MACROD2: variants seen among roughly 807,000 people sequenced by gnomAD.
MACROD2 encodes the protein mono-ADP ribosylhydrolase 2, also known as ADP-ribose glycohydrolase MACROD2.
MACROD2 carries 36 observed loss-of-function variants against 70.4 expected under a neutral mutation model. The observed-to-expected ratio is 0.51, with a 90% confidence interval of 0.39 to 0.68. MACROD2 has a LOEUF of 0.68. Among genes scored for constraint, MACROD2 ranks in the 30% least tolerant of loss-of-function variants. The pLI, the probability that MACROD2 is intolerant of heterozygous loss-of-function variation, is 0.00. For synonymous variants in MACROD2, 172 were observed against 178.8 expected (o/e 0.96, Z 0.30); for missense variants, 496 against 538.4 (o/e 0.92, Z 0.78).
At chr20:15,881,335 C>T (rs143309818) in intron 9 of MACROD2, among the ~76,000 whole-genome samples, 14 of 152,086 alleles carry the variant, frequency 9.2e-5, no homozygotes, top group Middle Eastern at 3.4e-3. Context: ...TTGGAGGCTA[C>T]GAGTTTTATG....
chr20:15,099,875 G>A (rs781714498), intron 5 of MACROD2, among the ~76,000 whole-genome samples: 5 of 152,090 alleles, frequency 3.3e-5, no homozygotes, highest in Admixed American at 2.0e-4. Flanking sequence ...GGCAATTCTG[G>A]TGAGGTCTCA....
At chr20:14,657,625 C>A (rs1478330943) in intron 4 of MACROD2, among the ~76,000 whole-genome samples, 1 of 152,162 alleles carries the variant, frequency 6.6e-6, no homozygotes, top group Non-Finnish European at 1.5e-5. Context: ...TAATAGTATA[C>A]GTCTTTCTGG....
At chr20:16,021,550 A>G (rs902914824) in intron 15 of MACROD2, among the ~76,000 whole-genome samples, 1 of 152,158 alleles carries the variant, frequency 6.6e-6, no homozygotes, top group Non-Finnish European at 1.5e-5. Context: ...ACTGCCTTGT[A>G]CTGTCTGTGT....
chr20:14,860,616 G>C (rs925645946), intron 5 of MACROD2, among the ~76,000 whole-genome samples: 8 of 152,174 alleles, frequency 5.3e-5, no homozygotes, highest in Admixed American at 3.3e-4. Flanking sequence ...TGGCCCCTTT[G>C]ATGCTTTTCA....
chr20:15,921,141 C>G (rs1406903254), intron 10 of MACROD2, among the ~76,000 whole-genome samples: 3 of 152,176 alleles, frequency 2.0e-5, no homozygotes, highest in Non-Finnish European at 4.4e-5. Context: ...GTAGACATGC[C>G]TCACTCCCAG....
Position 14,541,598 on chromosome 20 carries a change from TCACACA to T in MACROD2, c.301+48104_301+48109del, listed in dbSNP as rs139991575. Among the ~76,000 whole-genome samples, 9 of 150,246 alleles carry T rather than the reference TCACACA, an allele frequency of 6.0e-5. No homozygotes were observed. The East Asian group carries it at 1.8e-3, about 29-fold the overall frequency. On this transcript the variant is annotated intron_variant, in intron 4 of 17. Transcript: ENST00000684519. ...CTAGCACATGTACACACAGCACACA[TCACACA>T]CACACACACACACTATATAATGAAT...
chr20:14,437,147 G>A (rs1473589163), intron 3 of MACROD2, among the ~76,000 whole-genome samples: 1 of 152,146 alleles, frequency 6.6e-6, no homozygotes, highest in African/African-American at 2.4e-5. Context: ...AGAGTTAGCT[G>A]CATAAAGCAC....
At chr20:15,252,384 T>C (rs544236080) in intron 6 of MACROD2, among the ~76,000 whole-genome samples, 2 of 152,270 alleles carry the variant, frequency 1.3e-5, no homozygotes, top group African/African-American at 4.8e-5. Context: ...GATTGAGTTC[T>C]TACTCAGGCT....
chr20:14,688,393 A>G (rs1600541974), intron 5 of MACROD2, among the ~76,000 whole-genome samples: 1 of 152,152 alleles, frequency 6.6e-6, no homozygotes, highest in Non-Finnish European at 1.5e-5. Context: ...TTATACTTGT[A>G]TTCTGTGTTC....
intron 8 of MACROD2, among the ~76,000 whole-genome samples, chr20:15,599,208 T>C (rs1286909739): frequency 3.3e-5 from 5 of 151,472 alleles, no homozygotes; most frequent in South Asian, 4.2e-4. Flanking sequence ...GGTGAAACCC[T>C]GTCTCTACTA....
At chr20:14,182,691 A>G (rs1237111859) in intron 3 of MACROD2, among the ~76,000 whole-genome samples, 1 of 152,116 alleles carries the variant, frequency 6.6e-6, no homozygotes, top group African/African-American at 2.4e-5. Flanking sequence ...CACAAATGTT[A>G]GTTTTTAAAA....
At chr20:14,460,276 T>A (rs1268076185) in intron 3 of MACROD2, among the ~76,000 whole-genome samples, 1 of 152,132 alleles carries the variant, frequency 6.6e-6, no homozygotes, top group Non-Finnish European at 1.5e-5. Context: ...GTATTTCTGG[T>A]TCTAGATCCT....
intron 5 of MACROD2, among the ~76,000 whole-genome samples, chr20:14,765,429 C>T (rs558724564): frequency 1.3e-5 from 2 of 152,044 alleles, no homozygotes; most frequent in Middle Eastern, 3.4e-3. Context: ...TTCTTCCTGA[C>T]TTTTTGTTGA....
intron 8 of MACROD2, among the ~76,000 whole-genome samples, chr20:15,668,914 A>AT (rs1052338650): frequency 6.6e-6 from 1 of 152,134 alleles, no homozygotes; most frequent in African/African-American, 2.4e-5. Context: ...AATAACTTTC[A>AT]TTTTTTAATA....
Position 15,447,416 on chromosome 20 carries a change from C to T in MACROD2, c.571+15981C>T, listed in dbSNP as rs566645445. On this transcript the variant is annotated intron_variant, in intron 7 of 17. Coordinates refer to ENST00000684519, the MANE Select transcript of MACROD2 (RefSeq NM_001351661.2). The stretch of plus-strand genomic sequence containing the variant: ...CACTACCAACTCCTTCCACTTCACA[C>T]GTTCTATCTCAAGTGAGGCAGTGCC... 7.9e-5 allele frequency among the ~76,000 whole-genome samples: 12 copies of T among 152,248 alleles called. No homozygotes were observed. In the South Asian group the frequency reaches 1.9e-3, roughly 24 times the overall value.
At chr20:14,249,264 T>C (rs1344265719) in intron 3 of MACROD2, among the ~76,000 whole-genome samples, 1 of 151,472 alleles carries the variant, frequency 6.6e-6, no homozygotes, top group Non-Finnish European at 1.5e-5. Context: ...CCACCCTCAA[T>C]TGTGGCAGGA....
At chr20:15,537,970 AGAGTG>A (rs2047899510) in intron 8 of MACROD2, among the ~76,000 whole-genome samples, 1 of 152,214 alleles carries the variant, frequency 6.6e-6, no homozygotes, top group South Asian at 2.1e-4. Flanking sequence ...AGCACTTAGT[AGAGTG>A]CCAGCCTGGC....
intron 15 of MACROD2, among the ~76,000 whole-genome samples, chr20:16,003,348 C>CTGTG (rs11472125): frequency 0.4 from 60,283 of 150,354 alleles, 12,514 homozygotes; most frequent in Non-Finnish European, 0.46. Flanking sequence ...AGTTTGAACC[C>CTGTG]TGTGTGTGTG....
In MACROD2 at chr20:14,857,516, T is replaced by C. The variant is rs556590716; in HGVS notation, c.418+172557T>C. Among the ~76,000 whole-genome samples, 7 of 152,332 alleles carry C rather than the reference T, an allele frequency of 4.6e-5. 1 individual carries two copies. The South Asian group carries it at 1.0e-3, about 23-fold the overall frequency. ...AGATAATGTATCAAGCAAATTTCTATAGTTGAAGTTCTGAAGTGTGACAAG... is the reference window on the plus strand; with the variant it reads ...AGATAATGTATCAAGCAAATTTCTACAGTTGAAGTTCTGAAGTGTGACAAG... On this transcript the variant is annotated intron_variant, in intron 5 of 17. Coordinates refer to ENST00000684519, the MANE Select transcript of MACROD2 (RefSeq NM_001351661.2).
Sources: allele counts gnomAD v4.1 joint callset (sites outside exome capture counted in the v4.1 genomes callset), GRCh38; gene constraint gnomAD v4.1.1; transcripts MANE v1.5; gene names NCBI Gene and HGNC (gene_info 2026-07-23, HGNC 2026-07-21).